The following NCALD variants were observed in gnomAD, a reference collection of about 807,000 sequenced individuals.
The protein encoded by NCALD is neurocalcin-delta.
NCALD carries 10 observed loss-of-function variants against 18.6 expected under a neutral mutation model. That is an observed-to-expected ratio of 0.54 (90% CI 0.33 to 0.91). The LOEUF is 0.91. NCALD is among the 40% of genes least tolerant of loss of function. The pLI is 0.03. For missense variants in NCALD, 184 were observed against 247.6 expected (o/e 0.74, Z 1.72); for synonymous variants, 88 against 87.4 (o/e 1.01, Z -0.04).
chr8:101,747,493 T>C (rs1038423364), intron 1 of NCALD, among the ~76,000 whole-genome samples: 1 of 152,104 alleles, frequency 6.6e-6, no homozygotes, highest in African/African-American at 2.4e-5. Context: ...CATGATGATA[T>C]CATTGAGCCA....
At chr8:101,866,066 C>T (rs1222278332) in intron 4 of NCALD, among the ~76,000 whole-genome samples, 2 of 152,118 alleles carry the variant, frequency 1.3e-5, no homozygotes, top group Non-Finnish European at 2.9e-5. Context: ...GTTGAAGGAG[C>T]CTCAGCTGTA....
At chr8:102,006,463 C>T (rs1821716640) in intron 2 of NCALD, among the ~76,000 whole-genome samples, 1 of 152,226 alleles carries the variant, frequency 6.6e-6, no homozygotes. Context: ...GTCACTTCAT[C>T]TCCTCCCTAG....
intron 2 of NCALD, among the ~76,000 whole-genome samples, chr8:102,003,211 C>T (rs1439312183): frequency 2.6e-5 from 4 of 152,036 alleles, no homozygotes; most frequent in Non-Finnish European, 2.9e-5. Flanking sequence ...ACCACCGATC[C>T]CACAGAAATA....
intron 1 of NCALD, among the ~76,000 whole-genome samples, chr8:101,765,204 G>A (rs527876983): frequency 2.3e-4 from 35 of 152,298 alleles, no homozygotes; most frequent in Non-Finnish European, 4.1e-4. Flanking sequence ...GGAGGGGAAC[G>A]AACAGTAGCA....
intron 4 of NCALD, among the ~76,000 whole-genome samples, chr8:101,882,492 G>A (rs868383028): frequency 7.2e-5 from 11 of 152,080 alleles, no homozygotes; most frequent in Non-Finnish European, 1.5e-4. Context: ...TGGACTTCCC[G>A]ACCTCAAGAA....
At chr8:101,839,272 A>G (rs761363364) in intron 4 of NCALD, among the ~76,000 whole-genome samples, 2 of 152,016 alleles carry the variant, frequency 1.3e-5, no homozygotes, top group Non-Finnish European at 2.9e-5. Flanking sequence ...CCTTGGGGAC[A>G]CCAAAAAGTA....
intron 4 of NCALD, among the ~76,000 whole-genome samples, chr8:101,880,462 A>C (rs534366522): frequency 7.2e-5 from 11 of 152,284 alleles, no homozygotes; most frequent in Non-Finnish European, 1.5e-5. Flanking sequence ...CCCACAGCGC[A>C]GTGGCGGACT....
rs767039956 is a variant in NCALD, at chr8:101,719,636, G to A, written c.-7C>T. On this transcript the variant is annotated 5_prime_UTR_variant, in exon 2 of 4. Coordinates refer to ENST00000220931, the MANE Select transcript of NCALD (RefSeq NM_032041.3). ...TGCTGTTCTGTTTCCCCATCCTGGCGGCAAGAATTCAGCTGCAGATAGAAA... is the reference window on the plus strand; with the variant it reads ...TGCTGTTCTGTTTCCCCATCCTGGCAGCAAGAATTCAGCTGCAGATAGAAA... 1.1e-5 allele frequency: 17 copies of A among 1,559,976 alleles called. No homozygotes were observed. Among genetic ancestry groups the A allele is most frequent in the African/African-American group, 2.8e-5 (2 of 72,368 alleles).
chr8:101,690,745 G>A (rs1394316839), intron 3 of NCALD: 1 of 985,332 alleles, frequency 1.0e-6, no homozygotes, highest in African/African-American at 1.7e-5. Context: ...CAAGCTCTGT[G>A]TGCTGGCCAT....
At chr8:102,000,595 AC>A (rs958362930) in intron 2 of NCALD, among the ~76,000 whole-genome samples, 9 of 152,078 alleles carry the variant, frequency 5.9e-5, no homozygotes, top group Admixed American at 5.2e-4. Context: ...GGGTCCCTGA[AC>A]CCCGAATAGC....
At chr8:101,794,520 CATAA>C (rs1343164065), upstream of NCALD, among the ~76,000 whole-genome samples, 16 of 152,278 alleles carry the variant, frequency 1.1e-4, no homozygotes, top group African/African-American at 3.1e-4. Context: ...CCTACTCATA[CATAA>C]ATAAATAAAT....
chr8:101,919,982 C>T (rs1384252265), intron 2 of NCALD, among the ~76,000 whole-genome samples: 3 of 152,128 alleles, frequency 2.0e-5, no homozygotes, highest in African/African-American at 7.2e-5. Flanking sequence ...TGGGGCTGGG[C>T]GTGGTGGCTC....
At chr8:102,071,109 T>C (rs1056421394) in intron 1 of NCALD, among the ~76,000 whole-genome samples, 3 of 152,072 alleles carry the variant, frequency 2.0e-5, no homozygotes, top group Non-Finnish European at 2.9e-5. Flanking sequence ...TACTGCTATT[T>C]TGGAATTCTC....
intron 1 of NCALD, among the ~76,000 whole-genome samples, chr8:102,109,775 G>T (rs1022007762): frequency 7.2e-5 from 11 of 151,976 alleles, no homozygotes; most frequent in African/African-American, 2.4e-4. Flanking sequence ...GTGTATTTGT[G>T]TGCACACATA....
chr8:101,777,859 T>C lies in NCALD; in HGVS notation c.-20+13003A>G, dbSNP rs118098171. Among the ~76,000 whole-genome samples, 1,077 of 152,042 alleles carry C rather than the reference T, an allele frequency of 7.1e-3. 35 individuals carry two copies. Among genetic ancestry groups the C allele is most frequent in the Admixed American group, 0.05 (764 of 15,262 alleles). On this transcript the variant is annotated intron_variant, in intron 1 of 3. Coordinates refer to ENST00000220931, the MANE Select transcript of NCALD (RefSeq NM_032041.3). ...GAAATTTTAAGAAATTTATAGAAAA[T>C]AGCCAACAGATATGTTTGGATTGAG...
chr8:102,042,217 G>C (rs1009848813), intron 1 of NCALD, among the ~76,000 whole-genome samples: 1 of 151,956 alleles, frequency 6.6e-6, no homozygotes, highest in Admixed American at 6.6e-5. Context: ...ACAAGAACCA[G>C]TTAGAAGACA....
intron 1 of NCALD, among the ~76,000 whole-genome samples, chr8:102,089,631 A>G (rs977090138): frequency 1.3e-5 from 2 of 152,130 alleles, no homozygotes; most frequent in African/African-American, 4.8e-5. Flanking sequence ...ACAGTTTTAC[A>G]TGGAAGGTGT....
In NCALD at chr8:101,688,227, T is replaced by C. The variant is rs1032717740; in HGVS notation, c.*1082A>G. 3.0e-5 allele frequency: 5 copies of C among 168,912 alleles called. No homozygotes were observed. The highest frequency in any genetic ancestry group is 1.2e-4 in the African/African-American group (5 of 41,790). 10.5% of individuals were successfully genotyped at this position (168,912 alleles called of 1,614,324 possible). ...CCCTACTGGTCCCCTGTCATACATG[T>C]TAACATTCCTGTGCTCCAATTGTCC... On this transcript the variant is annotated 3_prime_UTR_variant, in exon 4 of 4. Transcript: ENST00000220931.
intron 1 of NCALD, among the ~76,000 whole-genome samples, chr8:101,772,546 G>T (rs904060350): frequency 6.6e-6 from 1 of 152,166 alleles, no homozygotes; most frequent in Non-Finnish European, 1.5e-5. Flanking sequence ...TGAACCCACT[G>T]CCCTCAGCCC....
Sources: gnomAD v4.1 joint callset for allele counts (sites outside exome capture counted in the v4.1 genomes callset) on GRCh38, gnomAD v4.1.1 for gene constraint, MANE v1.5 for transcripts, NCBI Gene and HGNC (gene_info 2026-07-23, HGNC 2026-07-21) for gene names.